Variants in SIGLEC1 observed in about 807,000 individuals in gnomAD.
The protein encoded by SIGLEC1 is sialoadhesin.
In SIGLEC1, 132 loss-of-function variants were observed where a neutral mutation model predicts 148.0. That is an observed-to-expected ratio of 0.89 (90% CI 0.77 to 1.03). SIGLEC1 has a LOEUF of 1.03. Among genes scored for constraint, SIGLEC1 ranks in the 50% least tolerant of loss-of-function variants. The probability of loss-of-function intolerance (pLI) is 0.00; values close to 1 mark genes in which losing one functional copy is unlikely to be tolerated. For synonymous variants in SIGLEC1, 945 were observed against 969.0 expected (o/e 0.98, Z 0.46); for missense variants, 2,253 against 2,271.4 (o/e 0.99, Z 0.16).
chr20:3,687,675 A>G lies in SIGLEC1; in HGVS notation c.*885T>C, dbSNP rs1037913988. On this transcript the variant is annotated 3_prime_UTR_variant, in exon 22 of 22. Transcript: ENST00000344754. Reference sequence around the variant, plus strand: ...TGGCCAGGGGCACACCCTGGCCCTCAGTAGATGGGCACTGAGACAAAACAT... The same window carrying G: ...TGGCCAGGGGCACACCCTGGCCCTCGGTAGATGGGCACTGAGACAAAACAT... 1.3e-5 allele frequency: 2 copies of G among 152,248 alleles called. No individual in the cohort carries two copies. Among genetic ancestry groups the G allele is most frequent in the Non-Finnish European group, 2.9e-5 (2 of 68,052 alleles). 9.4% of individuals were successfully genotyped at this position (152,248 alleles called of 1,614,324 possible). A position where few individuals can be genotyped will look rare whatever the true frequency, so the allele number is the denominator to read the frequency against.
rs760224041 is a variant in SIGLEC1, at chr20:3,691,470, C to T, written c.4461G>A (p.Arg1487=). The change falls in exon 18 of 22, where the codon CGG becomes CGA. Residue 1487 remains arginine (R), a synonymous_variant. Transcript: ENST00000344754. The part of the protein sequence containing the change: ...STFAWFWNDR[R]LHAEPVPTLA... ...GAGTGGGCACAGGCTCCGCGTGCAG[C>T]CGCCGGTCATTCCAGAACCATGCAA... The T allele has an allele frequency of 6.2e-6, 10 of 1,613,420 alleles. No individual in the cohort carries two copies. Among genetic ancestry groups the T allele is most frequent in the Non-Finnish European group, 8.5e-6 (10 of 1,179,978 alleles).
At chr20:3,701,865 G>C (rs1409907079) in intron 6 of SIGLEC1, among the ~76,000 whole-genome samples, 1 of 152,190 alleles carries the variant, frequency 6.6e-6, no homozygotes, top group Non-Finnish European at 1.5e-5. Flanking sequence ...TGCAAGTGGG[G>C]ATAAAAGCCC....
intron 18 of SIGLEC1, among the ~76,000 whole-genome samples, chr20:3,690,841 TTTTTC>T (rs1161845215): frequency 1.9e-4 from 21 of 108,380 alleles, no homozygotes; most frequent in African/African-American, 3.1e-4. Flanking sequence ...TTTTTTTTTT[TTTTTC>T]TTGAGACAGA....
rs1335021808 is a variant in SIGLEC1 at position 3,689,608 on chromosome 20, G to T, written c.4989C>A (p.Tyr1663Ter). Residue 1663 changes from tyrosine (Y) to a stop codon, truncating the protein, a stop_gained, in exon 20 of 22, where the codon TAC (tyrosine) becomes TAA (stop). Coordinates refer to ENST00000344754, the MANE Select transcript of SIGLEC1 (RefSeq NM_023068.4). LOFTEE classifies it high-confidence loss of function. ...LLLLLGLGAC[Y>*]TWRRRRVCKQ... is the part of the protein sequence containing the mutation. ...CCCAGCTCCAGACCCACCTCCAGGT[G>T]TAGCAGGCCCCCAGGCCCAACAGCA... 5.1e-6 allele frequency: 8 copies of T among 1,577,366 alleles called. No homozygotes were observed. In the East Asian group the frequency reaches 1.8e-4, roughly 36 times the overall value.
At position 3,706,329 on chromosome 20, in the gene SIGLEC1, G is replaced by T; in HGVS notation, c.409+18C>A. ...GGGAATCCCTCCCGGGGGGCAGCCA[G>T]GCCACCCCACTTATCACCTGTTACT... On this transcript the variant is annotated intron_variant, in intron 3 of 21. Coordinates refer to ENST00000344754, the MANE Select transcript of SIGLEC1 (RefSeq NM_023068.4). The T allele has an allele frequency of 6.3e-7, 1 of 1,593,642 alleles. No individual in the cohort carries two copies. Among genetic ancestry groups the T allele is most frequent in the Non-Finnish European group, 8.6e-7 (1 of 1,168,918 alleles).
At chr20:3,695,065 A>T (rs1305091505) in intron 11 of SIGLEC1, 142 bp from the exon 12 acceptor site, 1 of 822,086 alleles carries the variant, frequency 1.2e-6, no homozygotes, top group African/African-American at 1.7e-5. Flanking sequence ...GCCAGGGCCC[A>T]CTCAGCCCTA....
intron 11 of SIGLEC1, 140 bp downstream of exon 11, chr20:3,696,446 T>TCTG: frequency 2.5e-6 from 1 of 395,232 alleles, no homozygotes; most frequent in Non-Finnish European, 3.9e-6. Flanking sequence ...AGGGAGGCCT[T>TCTG]CTGCTGGCTG....
At chr20:3,711,675 C>A (rs1052539885) in intron 1 of SIGLEC1, among the ~76,000 whole-genome samples, 1 of 152,124 alleles carries the variant, frequency 6.6e-6, no homozygotes, top group African/African-American at 2.4e-5. Context: ...AATCACAGGC[C>A]AAATGTTTAA....
chr20:3,694,210 C>T lies in SIGLEC1; in HGVS notation c.3256+11G>A, dbSNP rs375969541. 645 of 1,599,916 alleles carry T rather than the reference C, an allele frequency of 4.0e-4. 1 individual carries two copies. The highest frequency in any genetic ancestry group is 5.2e-4 in the Non-Finnish European group (607 of 1,174,904). ...ACACACACACACACACACACACACA[C>T]ACACACTGACCTTGAGCGTCGAAGT... is the stretch of plus-strand genomic sequence containing the variant. On this transcript the variant is annotated intron_variant, in intron 13 of 21. Transcript: ENST00000344754.
At chr20:3,706,858 A>G in intron 2 of SIGLEC1, 152 bp from the exon 3 acceptor site, 1 of 1,117,146 alleles carries the variant, frequency 9.0e-7, no homozygotes, top group South Asian at 1.6e-5. Flanking sequence ...AGCCCTTCTC[A>G]GTGCCCCAGG....
chr20:3,696,521 A>G, intron 11 of SIGLEC1, 65 bp downstream of exon 11: 1 of 1,454,608 alleles, frequency 6.9e-7, no homozygotes, highest in African/African-American at 1.4e-5. Flanking sequence ...ACCCAGCCCA[A>G]AGTCTGACCA....
At chr20:3,691,266 A>G in intron 18 of SIGLEC1, 74 bp downstream of exon 18, 1 of 1,557,058 alleles carries the variant, frequency 6.4e-7, no homozygotes, top group East Asian at 2.3e-5. Context: ...CTTGGCAGAC[A>G]GAAGAGGAGG....
intron 10 of SIGLEC1, 32 bp from the exon 11 acceptor site, chr20:3,696,920 G>A (rs1568842517): frequency 6.5e-7 from 1 of 1,540,758 alleles, no homozygotes; most frequent in Non-Finnish European, 8.7e-7. Flanking sequence ...AGGCCACCCA[G>A]CCTAGCTCAC....
rs1242050564 is a variant in SIGLEC1, at chr20:3,694,232, A to G, written c.3245T>C (p.Phe1082Ser). The G allele has an allele frequency of 6.2e-7, 1 of 1,606,338 alleles. No homozygotes were observed. The highest frequency in any genetic ancestry group is 8.5e-7 in the Non-Finnish European group (1 of 1,176,232). Residue 1082 changes from phenylalanine (F) to serine (S), a missense_variant, in exon 13 of 22, where the codon TTC (phenylalanine) becomes TCC (serine). Transcript: ENST00000344754. ...TLGQASASAD[F>S]DAQAVNVQVW... ...ACACACACACTGACCTTGAGCGTCG[A>G]AGTCAGCTGAGGCCGAGGCCTGGCC... is the stretch of plus-strand genomic sequence containing the variant.
chr20:3,694,375 G>C lies in SIGLEC1; in HGVS notation c.3102C>G (p.Pro1034=). 3 of 1,613,248 alleles carry C rather than the reference G, an allele frequency of 1.9e-6. No individual in the cohort carries two copies. The highest frequency in any genetic ancestry group is 2.5e-6 in the Non-Finnish European group (3 of 1,179,908). Residue 1034 remains proline, a synonymous_variant, in exon 13 of 22, where the codon CCC becomes CCG. Transcript: ENST00000344754. ...VASTLQGVGG[P]EGSSPRLHVA... is the part of the protein sequence containing the mutation. ...CATGCAGCCTGGGAGAGCTGCCTTC[G>C]GGTCCCCCCACACCTTGTAGGGTGG... is the stretch of plus-strand genomic sequence containing the variant.
Position 3,703,406 on chromosome 20 carries a change from T to C in SIGLEC1, c.1019A>G (p.Gln340Arg), listed in dbSNP as rs756412773. 6.3e-7 allele frequency: 1 copy of C among 1,599,940 alleles called. No individual in the cohort carries two copies. The highest frequency in any genetic ancestry group is 1.7e-4 in the Middle Eastern group (1 of 6,000). Residue 340 changes from glutamine (Q) to arginine (R), a missense_variant, in exon 6 of 22, where the codon CAG becomes CGG. Gln to Arg is a conservative substitution (Grantham distance 43). Coordinates refer to ENST00000344754, the MANE Select transcript of SIGLEC1 (RefSeq NM_023068.4). ...VSPAGPILEN[Q>R]TVTLVCNTPN... ...TGTGTTGCAGACTAGTGTCACTGTCTGGTTCTCCAGGATGGGACCTGCTGG... is the reference window on the plus strand; with the variant it reads ...TGTGTTGCAGACTAGTGTCACTGTCCGGTTCTCCAGGATGGGACCTGCTGG...
In SIGLEC1 at chr20:3,706,664, C is replaced by A; in HGVS notation, c.92G>T (p.Gly31Val). The change falls in exon 3 of 22, where the codon GGT becomes GTT. Residue 31 changes from glycine to valine, a missense_variant. Transcript: ENST00000344754. ...GATAAGCAGGCAAGACCCCTTCACACCCTGCACGTCCTGGGGACTGGAGAC... is the reference window on the plus strand; with the variant it reads ...GATAAGCAGGCAAGACCCCTTCACAACCTGCACGTCCTGGGGACTGGAGAC... Reference protein sequence around the residue: ...WGVSSPQDVQGVKGSCLLIPC... With the variant: ...WGVSSPQDVQVVKGSCLLIPC... 2 of 1,560,848 alleles carry A rather than the reference C, an allele frequency of 1.3e-6. No individual in the cohort carries two copies. Among genetic ancestry groups the A allele is most frequent in the East Asian group, 2.4e-5 (1 of 41,418 alleles).
chr20:3,711,086 G>A (rs970082666), intron 1 of SIGLEC1, among the ~76,000 whole-genome samples: 2 of 152,226 alleles, frequency 1.3e-5, no homozygotes, highest in Non-Finnish European at 2.9e-5. Context: ...GTGGTCGAGG[G>A]GGAATTGCGG....
At chr20:3,704,710 G>A (rs2087879753) in intron 4 of SIGLEC1, among the ~76,000 whole-genome samples, 1 of 152,200 alleles carries the variant, frequency 6.6e-6, no homozygotes, top group African/African-American at 2.4e-5. Flanking sequence ...TGAAACTCCT[G>A]GGCTCAAGTG....
Sources: allele counts gnomAD v4.1 joint callset (sites outside exome capture counted in the v4.1 genomes callset), GRCh38; gene constraint gnomAD v4.1.1; transcripts MANE v1.5; gene names NCBI Gene and HGNC (gene_info 2026-07-23, HGNC 2026-07-21).